ANO7: variants seen among roughly 807,000 people sequenced by gnomAD.
ANO7 encodes the protein anoctamin-7.
In ANO7, 114 loss-of-function variants were observed where a neutral mutation model predicts 115.8. The ratio of observed to expected loss-of-function variants is 0.98; its 90% CI spans 0.85 to 1.15. The LOEUF (loss-of-function observed/expected upper bound fraction) is 1.15, where lower values mean the gene tolerates loss of function less well. Among genes scored for constraint, ANO7 ranks in the 50% most tolerant of loss-of-function variants. The pLI, the probability that ANO7 is intolerant of heterozygous loss-of-function variation, is 0.00. For missense variants in ANO7, 1,302 were observed against 1,201.2 expected (o/e 1.08, Z -1.24); for synonymous variants, 550 against 498.2 (o/e 1.10, Z -1.38).
chr2:241,230,081 A>G, downstream of ANO7: 1 of 1,587,470 alleles, frequency 6.3e-7, no homozygotes, highest in Non-Finnish European at 8.6e-7. This position sits in a 1 kb window ranked among gnomAD's most constrained non-coding sequence, Gnocchi z 5.0. Context: ...TGTCCCCTGA[A>G]GCTCCTGGCT....
intron 4 of ANO7, chr2:241,199,080 G>T (rs902724746): frequency 3.8e-6 from 2 of 520,562 alleles, no homozygotes; most frequent in Middle Eastern, 4.4e-4. Flanking sequence ...ACAGCATGCT[G>T]TCTGCAGCAA....
At chr2:241,219,825 G>T (rs2068967320) in intron 21 of ANO7, among the ~76,000 whole-genome samples, 1 of 150,418 alleles carries the variant, frequency 6.6e-6, no homozygotes, top group Non-Finnish European at 1.5e-5. Context: ...GCAATGCCCT[G>T]GCCTCCCAAA....
chr2:241,191,167 T>C (rs571163721), intron 2 of ANO7, 27 bp from the exon 3 acceptor site: 1 of 1,613,612 alleles, frequency 6.2e-7, no homozygotes, highest in Non-Finnish European at 8.5e-7. Context: ...GATGCTGATA[T>C]GCTTCTCCAT....
the ANO7 span, chr2:241,236,790 G>A: frequency 6.2e-7 from 1 of 1,612,258 alleles, no homozygotes; most frequent in East Asian, 2.2e-5. Flanking sequence ...AGGGGAAAAG[G>A]GACAGCTGAC....
rs1174578137 is a variant in ANO7, at chr2:241,223,970, A to G, written c.2583+15A>G. The G allele has an allele frequency of 6.2e-7, 1 of 1,614,044 alleles. No individual in the cohort carries two copies. Among genetic ancestry groups the G allele is most frequent in the Non-Finnish European group, 8.5e-7 (1 of 1,179,942 alleles). On this transcript the variant is annotated intron_variant, in intron 24 of 24. Coordinates refer to ENST00000674324, the MANE Select transcript of ANO7 (RefSeq NM_001370694.2). ...AGGGCTCAGAGGCAAGTCTGGGAGC[A>G]GCCAGGCCCCTGCCCCGTGCACTCC... is the stretch of plus-strand genomic sequence containing the variant.
chr2:241,205,669 G>A (rs1285266163), intron 10 of ANO7, among the ~76,000 whole-genome samples: 18 of 118,772 alleles, frequency 1.5e-4, no homozygotes, highest in Non-Finnish European at 1.7e-4. Context: ...GACACAGGTG[G>A]ACAGGAGTGC....
chr2:241,217,914 G>C (rs1165298819), intron 20 of ANO7, 23 bp downstream of exon 20: 1 of 1,378,886 alleles, frequency 7.3e-7, no homozygotes, highest in South Asian at 1.4e-5. Flanking sequence ...CGGGAGCGCG[G>C]GGCGGGGCGG....
intron 3 of ANO7, among the ~76,000 whole-genome samples, chr2:241,192,910 T>TGGGGAG (rs2068237170): frequency 6.7e-6 from 1 of 148,320 alleles, no homozygotes; most frequent in South Asian, 2.1e-4. Flanking sequence ...TGCCAGGGGC[T>TGGGGAG]GGGGACGGGG....
downstream of ANO7, chr2:241,229,717 G>A: frequency 6.2e-7 from 1 of 1,612,484 alleles, no homozygotes; most frequent in Non-Finnish European, 8.5e-7. Context: ...GGCTTCAGGA[G>A]GGGATGCTCC....
At chr2:241,228,608 C>T (rs1471239740), downstream of ANO7, 1 of 152,652 alleles carries the variant, frequency 6.6e-6, no homozygotes, top group Non-Finnish European at 1.5e-5. Context: ...ACGGGAAACC[C>T]ATAACCACCA....
chr2:241,234,741 T>G, the ANO7 span, among the ~76,000 whole-genome samples: 1 of 152,202 alleles, frequency 6.6e-6, no homozygotes, highest in Non-Finnish European at 1.5e-5. Flanking sequence ...TCATTCGCCC[T>G]TTGACCACCC....
At chr2:241,198,627 G>A (rs1045455480) in intron 4 of ANO7, among the ~76,000 whole-genome samples, 7 of 152,196 alleles carry the variant, frequency 4.6e-5, no homozygotes, top group East Asian at 1.9e-4. Flanking sequence ...GTTCCACTTC[G>A]CCCAAGGTGG....
the ANO7 span, chr2:241,240,263 A>G: frequency 1.3e-6 from 1 of 758,338 alleles, no homozygotes; most frequent in South Asian, 1.5e-5. The surrounding 1 kb of genome is among the most constrained non-coding windows in gnomAD (Gnocchi z 5.5). Context: ...AATACCCCCA[A>G]AATGGGGCTA....
chr2:241,218,438 G>T, intron 21 of ANO7, 57 bp downstream of exon 21: 1 of 1,252,894 alleles, frequency 8.0e-7, no homozygotes, highest in South Asian at 2.6e-5. Flanking sequence ...GGCGGAGCGG[G>T]GCTCGGGTGG....
chr2:241,236,814 GA>G, the ANO7 span: 321 of 1,598,206 alleles, frequency 2.0e-4, no homozygotes, highest in Admixed American at 2.9e-4. Flanking sequence ...TGCTGGAAGA[GA>G]CCCCACACCT....
chr2:241,196,278 A>C, intron 4 of ANO7: 1 of 686,762 alleles, frequency 1.5e-6, no homozygotes, highest in Admixed American at 5.2e-5. Flanking sequence ...TCATTTAAGC[A>C]ACAGGTCCGG....
At position 241,201,243 on chromosome 2, in the gene ANO7, C is replaced by T. The variant is rs57586642; in HGVS notation, c.555-55C>T. 1,851 of 1,511,230 alleles carry T rather than the reference C, an allele frequency of 1.2e-3. 25 individuals carry two copies. In the African/African-American group the frequency reaches 0.026, roughly 21 times the overall value. 93.6% of individuals were successfully genotyped at this position (1,511,230 alleles called of 1,614,324 possible). On this transcript the variant is annotated intron_variant, in intron 6 of 24. Transcript: ENST00000674324. ...GCAGCTTCCTCCAAACCTTCTGCAC[C>T]GTTCACATGCCCACAGCTTCCTCCA...
In ANO7 at chr2:241,208,945, C is replaced by G. The variant is rs184205664; in HGVS notation, c.1078-340C>G. Among the ~76,000 whole-genome samples the G allele has an allele frequency of 1.4e-3, 219 of 152,122 alleles. 1 individual carries two copies. Among genetic ancestry groups the G allele is most frequent in the African/African-American group, 4.4e-3 (181 of 41,506 alleles). ...CGGGTGGATCACAAGGTCAGAAGAT[C>G]GAGACCATCCTGGCTAACACGGTGA... is the stretch of plus-strand genomic sequence containing the variant. On this transcript the variant is annotated intron_variant, in intron 11 of 24. Coordinates refer to ENST00000674324, the MANE Select transcript of ANO7 (RefSeq NM_001370694.2).
chr2:241,231,523 C>A, the ANO7 span, among the ~76,000 whole-genome samples: 2 of 152,122 alleles, frequency 1.3e-5, no homozygotes, highest in African/African-American at 4.8e-5. Context: ...AGGAGAGACA[C>A]TAACAGGCAA....
Sources: gnomAD v4.1 joint callset for allele counts (sites outside exome capture counted in the v4.1 genomes callset) on GRCh38, gnomAD v4.1.1 for gene constraint, Gnocchi (gnomAD v3.1) non-coding constraint, MANE v1.5 for transcripts, NCBI Gene and HGNC (gene_info 2026-07-23, HGNC 2026-07-21) for gene names.